The following NSD1 variants were observed in gnomAD, a reference collection of about 807,000 sequenced individuals.
NSD1 encodes nuclear receptor binding SET domain protein 1, also known as histone-lysine N-methyltransferase, H3 lysine-36 specific.
Under a neutral mutation model 242.7 loss-of-function variants are expected in NSD1, and 26 were observed. That is an observed-to-expected ratio of 0.11 (90% CI 0.08 to 0.15). The LOEUF is 0.15. Ranked by LOEUF, NSD1 falls within the 10% of genes least tolerant of loss-of-function variation. The pLI, the probability that NSD1 is intolerant of heterozygous loss-of-function variation, is 1.00. For missense variants in NSD1, 2,495 were observed against 3,272.8 expected (o/e 0.76, Z 5.80); for synonymous variants, 1,106 against 1,178.1 (o/e 0.94, Z 1.25).
At chr5:177,250,776 G>GT (rs1412513855) in intron 11 of NSD1, among the ~76,000 whole-genome samples, 1 of 152,256 alleles carries the variant, frequency 6.6e-6, no homozygotes, top group East Asian at 1.9e-4. Context: ...AAGCTGTCCT[G>GT]TTTTTTATTT....
chr5:177,179,865 T>C (rs1760514851), intron 2 of NSD1, among the ~76,000 whole-genome samples: 1 of 152,100 alleles, frequency 6.6e-6, no homozygotes, highest in Non-Finnish European at 1.5e-5. Flanking sequence ...TTAAGAAAAT[T>C]GTTACTTCTA....
intron 16 of NSD1, among the ~76,000 whole-genome samples, chr5:177,271,616 G>A (rs756283768): frequency 2.6e-5 from 4 of 152,180 alleles, no homozygotes; most frequent in East Asian, 1.9e-4. Flanking sequence ...GTGAAAGCAC[G>A]TGTTGAATCT....
chr5:177,251,189 CAAA>C (rs762450107), intron 11 of NSD1, among the ~76,000 whole-genome samples: 1 of 136,796 alleles, frequency 7.3e-6, no homozygotes, highest in Non-Finnish European at 1.6e-5. Context: ...GACTTCCTCT[CAAA>C]AAAAAAAAAA....
chr5:177,296,123 G>A lies in NSD1; in HGVS notation c.*664G>A, dbSNP rs959441868. The A allele has an allele frequency of 1.5e-4, 38 of 246,878 alleles. No individual in the cohort carries two copies. Among genetic ancestry groups the A allele is most frequent in the African/African-American group, 7.5e-4 (34 of 45,466 alleles). 15.3% of individuals were successfully genotyped at this position (246,878 alleles called of 1,614,324 possible). ...TCTTGGCTGCGGTGTGCATGGGTGC[G>A]TGTGCATGCGCGCACACTCACAGAG... On this transcript the variant is annotated 3_prime_UTR_variant, in exon 23 of 23. Coordinates refer to ENST00000439151, the MANE Select transcript of NSD1 (RefSeq NM_022455.5).
At chr5:177,227,721 G>A (rs1481505285) in intron 5 of NSD1, among the ~76,000 whole-genome samples, 6 of 152,140 alleles carry the variant, frequency 3.9e-5, no homozygotes, top group Admixed American at 3.9e-4. Context: ...CATTACAGAT[G>A]TGAGCCATAC....
At chr5:177,139,103 T>C (rs916031089) in intron 2 of NSD1, among the ~76,000 whole-genome samples, 2 of 151,100 alleles carry the variant, frequency 1.3e-5, no homozygotes, top group African/African-American at 4.9e-5. Context: ...TACAAAAAAT[T>C]AGCTAGGCAT....
At chr5:177,227,612 T>C (rs1764731978) in intron 5 of NSD1, among the ~76,000 whole-genome samples, 2 of 152,130 alleles carry the variant, frequency 1.3e-5, no homozygotes, top group Admixed American at 6.6e-5. Flanking sequence ...GGCTAATGTT[T>C]GTATTTTTAG....
chr5:177,217,526 C>A (rs1763870711), intron 5 of NSD1, among the ~76,000 whole-genome samples: 1 of 152,068 alleles, frequency 6.6e-6, no homozygotes, highest in African/African-American at 2.4e-5. Context: ...GGTATATTTC[C>A]CTTGCTCTTT....
intron 17 of NSD1, among the ~76,000 whole-genome samples, chr5:177,275,398 A>C (rs1264181689): frequency 7.0e-6 from 1 of 142,042 alleles, no homozygotes; most frequent in Admixed American, 7.1e-5. Flanking sequence ...TCAGTATTTC[A>C]TCGTGCTTAT....
chr5:177,236,924 C>A (rs1765493876), intron 6 of NSD1, among the ~76,000 whole-genome samples: 1 of 152,194 alleles, frequency 6.6e-6, no homozygotes. Flanking sequence ...GCAGCCTTGA[C>A]CTCCTGGGTT....
At chr5:177,281,647 T>A (rs768318824) in intron 18 of NSD1, among the ~76,000 whole-genome samples, 9 of 152,106 alleles carry the variant, frequency 5.9e-5, no homozygotes, top group Non-Finnish European at 1.0e-4. Flanking sequence ...CTGATGATAT[T>A]ATATTTTATT....
upstream of NSD1, among the ~76,000 whole-genome samples, chr5:177,132,381 C>T (rs1432949455): frequency 6.6e-6 from 1 of 151,264 alleles, no homozygotes; most frequent in Non-Finnish European, 1.5e-5. The surrounding 1 kb of genome is among the most constrained non-coding windows in gnomAD (Gnocchi z 7.5). Context: ...CCCAGCCCGG[C>T]GCGCACGCAC....
intron 3 of NSD1, among the ~76,000 whole-genome samples, chr5:177,201,930 G>T (rs1005782429): frequency 6.6e-6 from 1 of 151,592 alleles, no homozygotes. Context: ...ACTTTGGGAG[G>T]CCGAGGCGGG....
chr5:177,224,743 A>G (rs1178363706), intron 5 of NSD1, among the ~76,000 whole-genome samples: 1 of 151,450 alleles, frequency 6.6e-6, no homozygotes, highest in African/African-American at 2.4e-5. Context: ...TGGAAAAAGC[A>G]GACATCCTTG....
chr5:177,300,057 G>GCCCCCCCCCCCC lies in NSD1; in HGVS notation c.*4600_*4611dup, dbSNP rs60995782. On this transcript the variant is annotated 3_prime_UTR_variant, in exon 23 of 23. Transcript: ENST00000439151. ...AGGTCCATCATTGCTTTTTTGCCGC[G>GCCCCCCCCCCCC]CCCCCCCCCCCCCGCCCCCATAGAT... 3.8e-5 allele frequency: 5 copies of GCCCCCCCCCCCC among 129,928 alleles called. No individual in the cohort carries two copies. The highest frequency in any genetic ancestry group is 4.0e-4 in the South Asian group (1 of 2,476). 8.0% of individuals were successfully genotyped at this position (129,928 alleles called of 1,614,324 possible). A position where few individuals can be genotyped will look rare whatever the true frequency, so the allele number is the denominator to read the frequency against.
chr5:177,253,172 T>G (rs1756146483), intron 12 of NSD1, among the ~76,000 whole-genome samples: 1 of 152,094 alleles, frequency 6.6e-6, no homozygotes, highest in Admixed American at 6.6e-5. Flanking sequence ...TTACACTAGA[T>G]TGAAGGGTGA....
chr5:177,191,806 A>G (rs1283991527), intron 2 of NSD1, 78 bp from the exon 3 acceptor site: 17 of 1,493,038 alleles, frequency 1.1e-5, no homozygotes, highest in Non-Finnish European at 1.5e-5. Flanking sequence ...TTGCTTTTTC[A>G]GAAGGCTAAT....
chr5:177,257,842 A>ATTTTATTTTT (rs1554199689), intron 13 of NSD1, among the ~76,000 whole-genome samples: 18 of 143,198 alleles, frequency 1.3e-4, no homozygotes, highest in Admixed American at 9.9e-4. Flanking sequence ...ATTTTATTTT[A>ATTTTATTTTT]TTTTTTTTTG....
In NSD1 at chr5:177,238,139, T is replaced by G. The variant is rs1415376835; in HGVS notation, c.3922-98T>G. ...AGGTTCATCCACTTTTTGTAGCCTT[T>G]GTCAGAATTTCATTCCTTTTAAAGT... On this transcript the variant is annotated intron_variant, in intron 6 of 22. Transcript: ENST00000439151. The surrounding 1 kb of genome is among the most constrained non-coding windows in gnomAD (Gnocchi z 4.6). 9 of 1,369,802 alleles carry G rather than the reference T, an allele frequency of 6.6e-6. No individual in the cohort carries two copies. Among genetic ancestry groups the G allele is most frequent in the Non-Finnish European group, 9.4e-6 (9 of 961,062 alleles). The allele number at this position is 1,369,802 out of a possible 1,614,324, so 84.9% of individuals were successfully genotyped here.
Sources: gnomAD v4.1 joint callset for allele counts (sites outside exome capture counted in the v4.1 genomes callset) on GRCh38, gnomAD v4.1.1 for gene constraint, Gnocchi (gnomAD v3.1) non-coding constraint, MANE v1.5 for transcripts, NCBI Gene and HGNC (gene_info 2026-07-23, HGNC 2026-07-21) for gene names.